The following NKAIN3 variants were observed in gnomAD, a reference collection of about 807,000 sequenced individuals.
The protein encoded by NKAIN3 is sodium/potassium-transporting ATPase subunit beta-1-interacting protein 3.
NKAIN3 carries 25 observed loss-of-function variants against 30.2 expected under a neutral mutation model. That is an observed-to-expected ratio of 0.83 (90% CI 0.60 to 1.16). The LOEUF is 1.16. Ranked by LOEUF, NKAIN3 falls within the 50% of genes most tolerant of loss-of-function variation. The probability of loss-of-function intolerance (pLI) is 0.00; values close to 1 mark genes in which losing one functional copy is unlikely to be tolerated. For synonymous variants in NKAIN3, 91 were observed against 89.6 expected (o/e 1.02, Z -0.09); for missense variants, 225 against 254.1 (o/e 0.89, Z 0.78).
At chr8:62,448,231 C>T (rs941307696) in intron 1 of NKAIN3, among the ~76,000 whole-genome samples, 27 of 151,460 alleles carry the variant, frequency 1.8e-4, no homozygotes, top group African/African-American at 6.3e-4. Context: ...TTAGTGTTTC[C>T]GCAGAGGAAC....
chr8:62,950,151 T>C lies in NKAIN3; in HGVS notation c.533-3751T>C, dbSNP rs115068144. On this transcript the variant is annotated intron_variant, in intron 5 of 6. Coordinates refer to ENST00000623646, the MANE Select transcript of NKAIN3 (RefSeq NM_001304533.3). ...ACTGAAGGTCTTTCCTAATGAGTTA[T>C]TTTTAAGTCTTTTGTTAAGTGTTCT... 2.9e-3 allele frequency among the ~76,000 whole-genome samples: 444 copies of C among 152,320 alleles called. 3 individuals carry two copies. Among genetic ancestry groups the C allele is most frequent in the African/African-American group, 9.7e-3 (402 of 41,580 alleles).
intron 1 of NKAIN3, among the ~76,000 whole-genome samples, chr8:62,376,329 T>C (rs919674437): frequency 2.0e-5 from 3 of 152,228 alleles, no homozygotes; most frequent in African/African-American, 7.2e-5. Context: ...ACCTAAATGT[T>C]CTAGCTTCTT....
chr8:62,521,412 T>C (rs991884677), intron 1 of NKAIN3, among the ~76,000 whole-genome samples: 6 of 152,200 alleles, frequency 3.9e-5, no homozygotes, highest in Admixed American at 6.5e-5. Context: ...TAGCTATGAA[T>C]GCTGGGAAGC....
rs117939837 is a variant in NKAIN3 at position 62,843,982 on chromosome 8, G to A, written c.472-74471G>A. ...TGAGAACTAGCCCATTTGTCAGTAGGAGTCCAAAACTTTATACTAAGAATC... is the reference window on the plus strand; with the variant it reads ...TGAGAACTAGCCCATTTGTCAGTAGAAGTCCAAAACTTTATACTAAGAATC... On this transcript the variant is annotated intron_variant, in intron 4 of 6. Transcript: ENST00000623646. 4.2e-4 allele frequency among the ~76,000 whole-genome samples: 64 copies of A among 152,224 alleles called. 1 individual carries two copies. In the East Asian group the frequency reaches 0.012, roughly 29 times the overall value.
At chr8:62,502,513 T>C (rs1807488848) in intron 1 of NKAIN3, among the ~76,000 whole-genome samples, 1 of 148,342 alleles carries the variant, frequency 6.7e-6, no homozygotes, top group Non-Finnish European at 1.5e-5. Flanking sequence ...CTTCTCTTTT[T>C]ATCTCTTCTT....
chr8:62,598,808 G>T lies in NKAIN3; in HGVS notation c.273+9014G>T, dbSNP rs193116603. Reference sequence around the variant, plus strand: ...CTAGGAGCTTAGGTAGACACTGGAGGCTCAGAGGAATGACTGTCTTGTCAG... The same window carrying T: ...CTAGGAGCTTAGGTAGACACTGGAGTCTCAGAGGAATGACTGTCTTGTCAG... On this transcript the variant is annotated intron_variant, in intron 3 of 6. Transcript: ENST00000623646. Among the ~76,000 whole-genome samples, 12 of 152,166 alleles carry T rather than the reference G, an allele frequency of 7.9e-5. No homozygotes were observed. In the East Asian group the frequency reaches 2.3e-3, roughly 30 times the overall value.
chr8:62,921,242 G>A (rs1563628855), intron 5 of NKAIN3, among the ~76,000 whole-genome samples: 1 of 152,140 alleles, frequency 6.6e-6, no homozygotes. Flanking sequence ...TATTCTAAAA[G>A]AGATCTGCAA....
intron 4 of NKAIN3, among the ~76,000 whole-genome samples, chr8:62,843,367 C>T (rs1056158772): frequency 6.6e-6 from 1 of 151,134 alleles, no homozygotes. Context: ...GACAGAGTCT[C>T]ATTCGGTCAC....
At chr8:62,994,580 A>G (rs1804057948) in intron 5 of NKAIN3, among the ~76,000 whole-genome samples, 1 of 152,224 alleles carries the variant, frequency 6.6e-6, no homozygotes, top group African/African-American at 2.4e-5. Context: ...TCATTCATTC[A>G]TTAAATGTTA....
At chr8:62,570,641 C>T (rs1809906595) in intron 1 of NKAIN3, among the ~76,000 whole-genome samples, 1 of 152,194 alleles carries the variant, frequency 6.6e-6, no homozygotes, top group South Asian at 2.1e-4. Flanking sequence ...ATTCAATCAT[C>T]TCCCACCAGG....
intron 3 of NKAIN3, among the ~76,000 whole-genome samples, chr8:62,680,769 C>T (rs1248402434): frequency 6.6e-6 from 1 of 151,918 alleles, no homozygotes; most frequent in Non-Finnish European, 1.5e-5. Flanking sequence ...CTTCACCAAA[C>T]TTTTATACTA....
At chr8:62,703,250 A>C (rs1447286469) in intron 3 of NKAIN3, among the ~76,000 whole-genome samples, 3 of 152,196 alleles carry the variant, frequency 2.0e-5, no homozygotes, top group African/African-American at 7.2e-5. Flanking sequence ...GCTTAATCTT[A>C]TGATATTCAC....
At chr8:62,319,252 A>G (rs1814781871) in intron 1 of NKAIN3, among the ~76,000 whole-genome samples, 1 of 151,992 alleles carries the variant, frequency 6.6e-6, no homozygotes, top group African/African-American at 2.4e-5. Context: ...CTAGTGGTCT[A>G]TCAATTTTGT....
intron 4 of NKAIN3, among the ~76,000 whole-genome samples, chr8:62,849,805 T>C (rs890730850): frequency 5.9e-5 from 9 of 152,068 alleles, no homozygotes; most frequent in African/African-American, 1.4e-4. Context: ...TATGGCTGCA[T>C]AGTATTCCAT....
At chr8:62,359,523 C>T (rs914465616) in intron 1 of NKAIN3, among the ~76,000 whole-genome samples, 1 of 152,172 alleles carries the variant, frequency 6.6e-6, no homozygotes, top group Non-Finnish European at 1.5e-5. Context: ...ATCGCTGCCT[C>T]GCTTTGGTCC....
chr8:62,899,517 C>G (rs776284670), intron 4 of NKAIN3, among the ~76,000 whole-genome samples: 3 of 152,006 alleles, frequency 2.0e-5, no homozygotes, highest in Non-Finnish European at 4.4e-5. Flanking sequence ...TATGTTCTCA[C>G]CTATATGTGG....
chr8:62,666,004 A>G (rs1244279556), intron 3 of NKAIN3, among the ~76,000 whole-genome samples: 1 of 152,110 alleles, frequency 6.6e-6, no homozygotes, highest in Non-Finnish European at 1.5e-5. Context: ...TCATGAGGTC[A>G]GGAGTTCAAG....
intron 3 of NKAIN3, among the ~76,000 whole-genome samples, chr8:62,634,441 C>G (rs1216246460): frequency 1.3e-5 from 2 of 152,186 alleles, no homozygotes; most frequent in African/African-American, 4.8e-5. Context: ...CCTCCCTTCT[C>G]CACAGCTGCA....
chr8:62,796,342 C>A (rs187524397), intron 4 of NKAIN3, among the ~76,000 whole-genome samples: 9 of 141,276 alleles, frequency 6.4e-5, no homozygotes, highest in African/African-American at 2.2e-4. Flanking sequence ...CGAGATCACA[C>A]CACTGAGCTC....
Sources: gnomAD v4.1 joint callset for allele counts (sites outside exome capture counted in the v4.1 genomes callset) on GRCh38, gnomAD v4.1.1 for gene constraint, MANE v1.5 for transcripts, NCBI Gene and HGNC (gene_info 2026-07-23, HGNC 2026-07-21) for gene names.